The following CDH4 variants were observed in gnomAD, a reference collection of about 807,000 sequenced individuals.
The protein encoded by CDH4 is cadherin-4.
A neutral mutation model predicts 86.0 loss-of-function variants in CDH4; 33 were observed. That is an observed-to-expected ratio of 0.38 (90% CI 0.29 to 0.51). CDH4 has a LOEUF of 0.51. Ranked by LOEUF, CDH4 falls within the 20% of genes least tolerant of loss-of-function variation. The pLI, the probability that CDH4 is intolerant of heterozygous loss-of-function variation, is 0.86. For synonymous variants in CDH4, 555 were observed against 549.4 expected (o/e 1.01, Z -0.14); for missense variants, 1,114 against 1,307.4 (o/e 0.85, Z 2.28).
intron 4 of CDH4, among the ~76,000 whole-genome samples, chr20:61,799,274 G>GT (rs1440771316): frequency 1.3e-5 from 2 of 152,220 alleles, no homozygotes; most frequent in African/African-American, 2.4e-5. Flanking sequence ...ACTGGCTGGT[G>GT]TGAGTGTTGA....
chr20:61,743,091 T>C (rs2088363886), intron 2 of CDH4, among the ~76,000 whole-genome samples: 1 of 152,206 alleles, frequency 6.6e-6, no homozygotes, highest in Admixed American at 6.5e-5. Context: ...AGATGCCAGC[T>C]CTCTCTTGCT....
chr20:61,595,393 C>T (rs914382380), intron 2 of CDH4, among the ~76,000 whole-genome samples: 4 of 152,234 alleles, frequency 2.6e-5, no homozygotes, highest in Non-Finnish European at 2.9e-5. Context: ...GTCAGGGCTG[C>T]CTTCCTGACA....
chr20:61,579,535 C>T (rs1313857296), intron 2 of CDH4, among the ~76,000 whole-genome samples: 1 of 152,072 alleles, frequency 6.6e-6, no homozygotes, highest in African/African-American at 2.4e-5. Context: ...GATCCTCCTG[C>T]CTCAGCCTCC....
At chr20:61,476,755 T>C (rs574336612) in intron 2 of CDH4, among the ~76,000 whole-genome samples, 3 of 152,350 alleles carry the variant, frequency 2.0e-5, no homozygotes, top group African/African-American at 7.2e-5. Flanking sequence ...AGCAAAACAG[T>C]GTTCCTGAAT....
chr20:61,579,222 G>A (rs956723107), intron 2 of CDH4, among the ~76,000 whole-genome samples: 6 of 151,888 alleles, frequency 4.0e-5, no homozygotes, highest in African/African-American at 1.5e-4. Flanking sequence ...CTCGAGCAGG[G>A]GAGACTCTAC....
At chr20:61,273,344 G>A (rs2123142887) in intron 2 of CDH4, among the ~76,000 whole-genome samples, 1 of 139,278 alleles carries the variant, frequency 7.2e-6, no homozygotes, top group African/African-American at 2.7e-5. Flanking sequence ...AGAGTACCTT[G>A]TGCAGTTTGG....
chr20:61,868,445 G>A (rs1983645729), intron 6 of CDH4, among the ~76,000 whole-genome samples: 1 of 152,172 alleles, frequency 6.6e-6, no homozygotes, highest in African/African-American at 2.4e-5. Context: ...GGCACAGACA[G>A]CTTGGTAGGT....
intron 4 of CDH4, among the ~76,000 whole-genome samples, chr20:61,786,367 G>A (rs866362303): frequency 1.3e-5 from 2 of 152,068 alleles, no homozygotes; most frequent in Non-Finnish European, 2.9e-5. Context: ...CGAGTCGCCC[G>A]GCAGCCAGAC....
chr20:61,385,672 T>C (rs925758314), intron 2 of CDH4, among the ~76,000 whole-genome samples: 2 of 152,152 alleles, frequency 1.3e-5, no homozygotes, highest in African/African-American at 4.8e-5. Flanking sequence ...CTGTCCACGC[T>C]GTATCCAGGC....
intron 2 of CDH4, among the ~76,000 whole-genome samples, chr20:61,696,151 T>C (rs1454176420): frequency 1.3e-5 from 2 of 152,180 alleles, no homozygotes; most frequent in Admixed American, 6.5e-5. Flanking sequence ...CCAGGCTGGA[T>C]TGTGGGCCCC....
At chr20:61,704,907 C>T (rs1156746789) in intron 2 of CDH4, among the ~76,000 whole-genome samples, 1 of 152,124 alleles carries the variant, frequency 6.6e-6, no homozygotes, top group Non-Finnish European at 1.5e-5. Flanking sequence ...CCAAATGCAC[C>T]CAGATTCCAG....
At chr20:61,683,310 A>C (rs990131941) in intron 2 of CDH4, among the ~76,000 whole-genome samples, 10 of 152,224 alleles carry the variant, frequency 6.6e-5, no homozygotes, top group African/African-American at 2.4e-4. Context: ...ATGGCAGAGA[A>C]AGAAACGATC....
At position 61,407,347 on chromosome 20, in the gene CDH4, C is replaced by T. The variant is rs535437421; in HGVS notation, c.169+152410C>T. ...CGGGTTCTGTCTCTTCCTTGAGCTT[C>T]TCAGCACCTGGCATCTAGCGGTTGA... On this transcript the variant is annotated intron_variant, in intron 2 of 15. Coordinates refer to ENST00000614565, the MANE Select transcript of CDH4 (RefSeq NM_001794.5). Among the ~76,000 whole-genome samples, 4 of 152,320 alleles carry T rather than the reference C, an allele frequency of 2.6e-5. No homozygotes were observed. In the East Asian group the frequency reaches 7.7e-4, roughly 29 times the overall value.
intron 2 of CDH4, among the ~76,000 whole-genome samples, chr20:61,451,232 G>A (rs1469233932): frequency 2.0e-5 from 3 of 151,916 alleles, no homozygotes; most frequent in African/African-American, 7.3e-5. Flanking sequence ...AGCCTGATGG[G>A]CATGATACTT....
rs183056066 is a variant in CDH4 at position 61,324,344 on chromosome 20, A to T, written c.169+69407A>T. On this transcript the variant is annotated intron_variant, in intron 2 of 15. Coordinates refer to ENST00000614565, the MANE Select transcript of CDH4 (RefSeq NM_001794.5). ...AAATTTTCCCAAACTGGGGGGGCTTAAAACAACAGATCTCTTTTTCTCTTT... is the reference window on the plus strand; with the variant it reads ...AAATTTTCCCAAACTGGGGGGGCTTTAAACAACAGATCTCTTTTTCTCTTT... 6.7e-3 allele frequency among the ~76,000 whole-genome samples: 1,017 copies of T among 152,294 alleles called. 7 individuals carry two copies. The highest frequency in any genetic ancestry group is 0.015 in the African/African-American group (635 of 41,564).
At chr20:61,634,604 C>T (rs1473247975) in intron 2 of CDH4, among the ~76,000 whole-genome samples, 1 of 152,228 alleles carries the variant, frequency 6.6e-6, no homozygotes, top group East Asian at 1.9e-4. Flanking sequence ...GTGTGTGTGG[C>T]ACCCAGCACT....
chr20:61,395,754 C>T (rs1040715825), intron 2 of CDH4, among the ~76,000 whole-genome samples: 5 of 152,262 alleles, frequency 3.3e-5, no homozygotes, highest in Admixed American at 1.3e-4. Flanking sequence ...CATTCCAGCC[C>T]GGGAAACAGG....
chr20:61,293,550 A>G (rs1253365681), intron 2 of CDH4, among the ~76,000 whole-genome samples: 2 of 152,184 alleles, frequency 1.3e-5, no homozygotes, highest in East Asian at 1.9e-4. Flanking sequence ...AAGAAAGTCA[A>G]GTCCCAGCCC....
intron 2 of CDH4, among the ~76,000 whole-genome samples, chr20:61,566,881 G>A (rs57850524): frequency 0.034 from 5,101 of 152,020 alleles, 294 homozygotes; most frequent in African/African-American, 0.11. Context: ...GATGGCACGC[G>A]GCTCACAGAT....
Sources: gnomAD v4.1 joint callset for allele counts (sites outside exome capture counted in the v4.1 genomes callset) on GRCh38, gnomAD v4.1.1 for gene constraint, MANE v1.5 for transcripts, NCBI Gene and HGNC (gene_info 2026-07-23, HGNC 2026-07-21) for gene names.